The following DPP10 variants were observed in gnomAD, a reference collection of about 807,000 sequenced individuals.
The protein encoded by DPP10 is inactive dipeptidyl peptidase 10.
A neutral mutation model predicts 120.9 loss-of-function variants in DPP10; 33 were observed. That is an observed-to-expected ratio of 0.27 (90% CI 0.21 to 0.37). DPP10 has a LOEUF of 0.37. DPP10 is among the 10% of genes least tolerant of loss of function. The pLI, the probability that DPP10 is intolerant of heterozygous loss-of-function variation, is 1.00. For missense variants in DPP10, 816 were observed against 942.8 expected (o/e 0.87, Z 1.76); for synonymous variants, 337 against 326.1 (o/e 1.03, Z -0.36).
At chr2:115,462,464 G>A (rs890656074) in intron 3 of DPP10, among the ~76,000 whole-genome samples, 2 of 151,988 alleles carry the variant, frequency 1.3e-5, no homozygotes, top group African/African-American at 4.8e-5. Context: ...TTCCTAAAAG[G>A]TTAGAATCCA....
intron 5 of DPP10, among the ~76,000 whole-genome samples, chr2:115,576,220 G>A (rs186768363): frequency 3.9e-5 from 6 of 152,162 alleles, no homozygotes; most frequent in Non-Finnish European, 8.8e-5. Context: ...GGCCAGGAAT[G>A]CCTTAAAGAA....
At chr2:114,554,547 A>T (rs969352360) in intron 1 of DPP10, among the ~76,000 whole-genome samples, 1 of 152,156 alleles carries the variant, frequency 6.6e-6, no homozygotes, top group African/African-American at 2.4e-5. Context: ...AATAGTTGAC[A>T]TGAGGTTGTG....
chr2:114,637,698 C>T (rs59450514), intron 1 of DPP10, among the ~76,000 whole-genome samples: 12,179 of 151,926 alleles, frequency 0.08, 650 homozygotes, highest in Middle Eastern at 0.14. Context: ...TATTCTCTTG[C>T]ATATGGCTAG....
chr2:115,167,054 A>G (rs2052930384), intron 1 of DPP10, among the ~76,000 whole-genome samples: 1 of 152,228 alleles, frequency 6.6e-6, no homozygotes, highest in Non-Finnish European at 1.5e-5. Context: ...TTCATATCCC[A>G]GGTCCGCCAA....
intron 3 of DPP10, among the ~76,000 whole-genome samples, chr2:115,364,522 T>C (rs1024978967): frequency 6.6e-6 from 1 of 152,100 alleles, no homozygotes; most frequent in African/African-American, 2.4e-5. Context: ...ACTAATTTTG[T>C]CTGGAATATT....
At chr2:114,599,703 G>A (rs993172971) in intron 1 of DPP10, among the ~76,000 whole-genome samples, 2 of 151,640 alleles carry the variant, frequency 1.3e-5, no homozygotes, top group African/African-American at 4.8e-5. Context: ...CGTACACCTT[G>A]TATAAGTTTC....
intron 1 of DPP10, among the ~76,000 whole-genome samples, chr2:114,799,227 C>T (rs951108440): frequency 6.6e-6 from 1 of 152,188 alleles, no homozygotes; most frequent in Non-Finnish European, 1.5e-5. Flanking sequence ...CATTATCTCT[C>T]CTTCCTAAAG....
intron 19 of DPP10, among the ~76,000 whole-genome samples, chr2:115,805,391 T>A (rs1336295017): frequency 1.3e-5 from 2 of 152,114 alleles, no homozygotes; most frequent in Non-Finnish European, 2.9e-5. Flanking sequence ...GGTGAGGCGA[T>A]GCCTCGCCCT....
At chr2:114,881,579 T>G (rs543240611) in intron 1 of DPP10, among the ~76,000 whole-genome samples, 17 of 80,216 alleles carry the variant, frequency 2.1e-4, no homozygotes, top group African/African-American at 6.1e-4. Context: ...TATCTATCTA[T>G]CTGTCTGTCT....
chr2:114,984,223 T>C (rs529908352), intron 1 of DPP10, among the ~76,000 whole-genome samples: 67 of 152,340 alleles, frequency 4.4e-4, no homozygotes, highest in African/African-American at 1.6e-3. Context: ...GCTTCTAATA[T>C]TTTGCCAGAT....
chr2:114,761,260 T>C (rs144847205), intron 1 of DPP10, among the ~76,000 whole-genome samples: 68 of 152,338 alleles, frequency 4.5e-4, no homozygotes, highest in South Asian at 1.5e-3. Context: ...GTACTTTCAG[T>C]AATTTAAGTA....
chr2:115,836,479 C>A lies in DPP10; in HGVS notation c.2051-28C>A, dbSNP rs183841857. 85 of 1,601,482 alleles carry A rather than the reference C, an allele frequency of 5.3e-5. No individual in the cohort carries two copies. In the East Asian group the frequency reaches 1.8e-3, roughly 34 times the overall value. On this transcript the variant is annotated intron_variant, in intron 22 of 25. Transcript: ENST00000410059. ...CCAGTCAAATAGTTTTTAGTTTCTT[C>A]TCGAATGTCTGTTTTCTTGGGTCAC... is the stretch of plus-strand genomic sequence containing the variant.
Position 114,526,627 on chromosome 2 carries a change from T to C in DPP10, c.60+83789T>C, listed in dbSNP as rs1046554230. On this transcript the variant is annotated intron_variant, in intron 1 of 25. Transcript: ENST00000410059. Reference sequence around the variant, plus strand: ...GACTGGGAAGTCCAAGCTCAAGATATGGCAGATTTAGTGCCTGGTGAGAAC... The same window carrying C: ...GACTGGGAAGTCCAAGCTCAAGATACGGCAGATTTAGTGCCTGGTGAGAAC... Among the ~76,000 whole-genome samples the C allele has an allele frequency of 2.6e-5, 4 of 152,276 alleles. No homozygotes were observed. In the East Asian group the frequency reaches 7.7e-4, roughly 29 times the overall value.
intron 1 of DPP10, among the ~76,000 whole-genome samples, chr2:115,019,702 G>A (rs1252851197): frequency 6.6e-6 from 1 of 152,114 alleles, no homozygotes; most frequent in East Asian, 1.9e-4. Flanking sequence ...TCATCACCTA[G>A]GCACATAGTC....
chr2:115,208,633 T>A lies in DPP10; in HGVS notation c.61-100606T>A, dbSNP rs541396044. ...GTGTGCAAGTATTGATTTCCACTTA[T>A]GTTCCAGGGACTGTAGCAGGTGTTG... is the stretch of plus-strand genomic sequence containing the variant. On this transcript the variant is annotated intron_variant, in intron 1 of 25. Transcript: ENST00000410059. Among the ~76,000 whole-genome samples, 5 of 152,158 alleles carry A rather than the reference T, an allele frequency of 3.3e-5. No individual in the cohort carries two copies. The East Asian group carries it at 9.7e-4, about 29-fold the overall frequency.
chr2:115,265,818 C>T (rs1384074432), intron 1 of DPP10, among the ~76,000 whole-genome samples: 2 of 152,050 alleles, frequency 1.3e-5, no homozygotes, highest in Admixed American at 6.6e-5. Flanking sequence ...GTGGCTCACG[C>T]CTGTAGTCCC....
chr2:114,843,679 T>G lies in DPP10; in HGVS notation c.60+400841T>G, dbSNP rs558026403. Among the ~76,000 whole-genome samples, 13 of 152,266 alleles carry G rather than the reference T, an allele frequency of 8.5e-5. No individual in the cohort carries two copies. In the South Asian group the frequency reaches 2.7e-3, roughly 32 times the overall value. On this transcript the variant is annotated intron_variant, in intron 1 of 25. Coordinates refer to ENST00000410059, the MANE Select transcript of DPP10 (RefSeq NM_020868.6). Reference sequence around the variant, plus strand: ...TTCTTCAATTGTTGTAATCTCAGTTTGTCTGGCTCTCAGAACTAATATAAC... The same window carrying G: ...TTCTTCAATTGTTGTAATCTCAGTTGGTCTGGCTCTCAGAACTAATATAAC...
At chr2:115,322,451 A>G (rs1559419177) in intron 2 of DPP10, among the ~76,000 whole-genome samples, 2 of 152,088 alleles carry the variant, frequency 1.3e-5, no homozygotes, top group South Asian at 2.1e-4. Context: ...GAGAGGGTAA[A>G]ATACCTTTTC....
At chr2:115,016,503 T>C (rs1015484795) in intron 1 of DPP10, among the ~76,000 whole-genome samples, 1 of 151,994 alleles carries the variant, frequency 6.6e-6, no homozygotes, top group African/African-American at 2.4e-5. Flanking sequence ...AATTGACAAA[T>C]GGGAGCTAAC....
Sources: gnomAD v4.1 joint callset for allele counts (sites outside exome capture counted in the v4.1 genomes callset) on GRCh38, gnomAD v4.1.1 for gene constraint, MANE v1.5 for transcripts, NCBI Gene and HGNC (gene_info 2026-07-23, HGNC 2026-07-21) for gene names.